Variants in MYO16 observed in about 807,000 individuals in gnomAD.
MYO16 encodes unconventional myosin-XVI.
A neutral mutation model predicts 205.3 loss-of-function variants in MYO16; 94 were observed. The ratio of observed to expected loss-of-function variants is 0.46; its 90% CI spans 0.39 to 0.54. MYO16 has a LOEUF of 0.54. MYO16 is among the 20% of genes least tolerant of loss of function. The pLI is 0.00. For missense variants in MYO16, 2,315 were observed against 2,387.5 expected (o/e 0.97, Z 0.63); for synonymous variants, 988 against 954.0 (o/e 1.04, Z -0.66).
chr13:108,762,034 T>C (rs572635300), intron 4 of MYO16, among the ~76,000 whole-genome samples: 88 of 152,316 alleles, frequency 5.8e-4, no homozygotes, highest in Non-Finnish European at 8.7e-4. Context: ...TGTCTATCAT[T>C]CTGTGCTGTA....
intron 1 of MYO16, among the ~76,000 whole-genome samples, chr13:108,647,325 T>A (rs1880798438): frequency 6.6e-6 from 1 of 152,188 alleles, no homozygotes; most frequent in Non-Finnish European, 1.5e-5. Flanking sequence ...CTACCATGTC[T>A]CTCTATGAGC....
chr13:108,498,246 G>A, the MYO16 span, among the ~76,000 whole-genome samples: 8 of 152,228 alleles, frequency 5.3e-5, no homozygotes, highest in South Asian at 6.2e-4. Flanking sequence ...GGGGTAGAAC[G>A]GTACTTTCAA....
At position 109,050,587 on chromosome 13, in the gene MYO16, T is replaced by C. The variant is rs552358689; in HGVS notation, c.2873-1713T>C. ...TCATCAAACTTTTACCCATTAGTTT[T>C]ACATGCGTTCATGATTCTTGCCTAA... is the stretch of plus-strand genomic sequence containing the variant. On this transcript the variant is annotated intron_variant, in intron 24 of 34. Transcript: ENST00000457511. 9.2e-5 allele frequency among the ~76,000 whole-genome samples: 14 copies of C among 152,356 alleles called. No homozygotes were observed. The South Asian group carries it at 2.7e-3, about 29-fold the overall frequency.
chr13:108,586,718 T>C, the MYO16 span, among the ~76,000 whole-genome samples: 1 of 152,186 alleles, frequency 6.6e-6, no homozygotes, highest in Admixed American at 6.6e-5. Context: ...AGATACTGGT[T>C]ATTATGATAT....
intron 4 of MYO16, among the ~76,000 whole-genome samples, chr13:108,767,083 T>A (rs9583288): frequency 6.6e-6 from 1 of 151,830 alleles, no homozygotes; most frequent in Non-Finnish European, 1.5e-5. Flanking sequence ...GTATCTGGGT[T>A]TTTGTTTGTT....
At chr13:108,744,844 GC>G (rs1291105028) in intron 4 of MYO16, among the ~76,000 whole-genome samples, 1 of 152,154 alleles carries the variant, frequency 6.6e-6, no homozygotes, top group Non-Finnish European at 1.5e-5. Context: ...GAAGACAAGA[GC>G]CTTTTGGTTT....
At chr13:108,837,718 A>G (rs1877001854) in intron 9 of MYO16, among the ~76,000 whole-genome samples, 1 of 152,322 alleles carries the variant, frequency 6.6e-6, no homozygotes, top group East Asian at 1.9e-4. Flanking sequence ...TCTTAAGCCA[A>G]TCTTTTTTCC....
At chr13:108,697,453 G>A (rs1024771294) in intron 2 of MYO16, among the ~76,000 whole-genome samples, 1 of 152,182 alleles carries the variant, frequency 6.6e-6, no homozygotes, top group East Asian at 1.9e-4. Flanking sequence ...TCTTTTCCAG[G>A]AATTCCAGTT....
intron 4 of MYO16, among the ~76,000 whole-genome samples, chr13:108,776,778 A>G (rs1483458657): frequency 1.3e-5 from 2 of 152,160 alleles, no homozygotes; most frequent in African/African-American, 4.8e-5. Context: ...ACCAGCATTA[A>G]CCCGTTTTAT....
intron 20 of MYO16, among the ~76,000 whole-genome samples, chr13:108,976,314 A>T (rs374763760): frequency 6.6e-6 from 1 of 152,156 alleles, no homozygotes; most frequent in African/African-American, 2.4e-5. Flanking sequence ...GCTGTTAAAC[A>T]TTTGGAAAAG....
chr13:108,878,233 C>T (rs545784778), intron 12 of MYO16, among the ~76,000 whole-genome samples: 1 of 152,204 alleles, frequency 6.6e-6, no homozygotes, highest in African/African-American at 2.4e-5. Context: ...GTTTTCGTGC[C>T]AAAAAGTTGC....
At chr13:108,673,771 C>G (rs1028535795) in intron 2 of MYO16, among the ~76,000 whole-genome samples, 3 of 152,076 alleles carry the variant, frequency 2.0e-5, no homozygotes, top group Non-Finnish European at 4.4e-5. Flanking sequence ...TCCTGAGTTC[C>G]AGTCTTAACT....
At chr13:109,191,220 G>GA (rs1043320048) in intron 34 of MYO16, among the ~76,000 whole-genome samples, 168 of 144,464 alleles carry the variant, frequency 1.2e-3, no homozygotes, top group South Asian at 6.5e-3. Context: ...ACTCTGTCTC[G>GA]AAAAAAAAAA....
At chr13:108,738,967 T>A (rs1283441213) in intron 4 of MYO16, among the ~76,000 whole-genome samples, 1 of 152,152 alleles carries the variant, frequency 6.6e-6, no homozygotes, top group Non-Finnish European at 1.5e-5. Flanking sequence ...AACCCCTGCC[T>A]TTTTTTGTTT....
chr13:108,981,155 A>C (rs1043880530), intron 20 of MYO16, among the ~76,000 whole-genome samples: 1 of 152,202 alleles, frequency 6.6e-6, no homozygotes. Flanking sequence ...TTGAAAGTTA[A>C]ATTTATGTGA....
At chr13:108,877,060 G>T (rs1192778174) in intron 12 of MYO16, among the ~76,000 whole-genome samples, 1 of 152,044 alleles carries the variant, frequency 6.6e-6, no homozygotes, top group Non-Finnish European at 1.5e-5. Flanking sequence ...TTATTCTAAA[G>T]TCCCTCTAGA....
rs1250890601 is a variant in MYO16, at chr13:109,055,184, G to T, written c.3129+58G>T. On this transcript the variant is annotated intron_variant, in intron 26 of 34. Coordinates refer to ENST00000457511, the MANE Select transcript of MYO16 (RefSeq NM_001198950.3). The surrounding 1 kb of genome is among the most constrained non-coding windows in gnomAD (Gnocchi z 5.0). ...TGTATGTTTATAGCAACTAAAGAGG[G>T]TTTATGTAGACTTTTTTTTCCATTT... is the stretch of plus-strand genomic sequence containing the variant. The T allele has an allele frequency of 1.4e-6, 2 of 1,391,148 alleles. No individual in the cohort carries two copies. The highest frequency in any genetic ancestry group is 1.5e-5 in the African/African-American group (1 of 68,140). 86.2% of individuals were successfully genotyped at this position (1,391,148 alleles called of 1,614,324 possible).
intron 16 of MYO16, among the ~76,000 whole-genome samples, chr13:108,941,979 C>T (rs563932859): frequency 2.6e-4 from 39 of 151,516 alleles, no homozygotes; most frequent in East Asian, 5.8e-4. Context: ...TCTTAAATGC[C>T]TAAGAGTTAA....
intron 34 of MYO16, among the ~76,000 whole-genome samples, chr13:109,198,286 T>A (rs1284118192): frequency 6.6e-6 from 1 of 152,174 alleles, no homozygotes; most frequent in East Asian, 1.9e-4. Context: ...CAAATAAATT[T>A]TAAATTGTTG....
Sources: allele counts gnomAD v4.1 joint callset (sites outside exome capture counted in the v4.1 genomes callset), GRCh38; gene constraint gnomAD v4.1.1; non-coding constraint Gnocchi (gnomAD v3.1); transcripts MANE v1.5; gene names NCBI Gene and HGNC (gene_info 2026-07-23, HGNC 2026-07-21).